Variants in POMGNT1 observed in about 807,000 individuals in gnomAD.
The protein encoded by POMGNT1 is protein O-linked-mannose beta-1,2-N-acetylglucosaminyltransferase 1.
Under a neutral mutation model 95.6 loss-of-function variants are expected in POMGNT1, and 67 were observed. The ratio of observed to expected loss-of-function variants is 0.70; its 90% CI spans 0.58 to 0.86. The LOEUF (loss-of-function observed/expected upper bound fraction) is 0.86. Among genes scored for constraint, POMGNT1 ranks in the 40% least tolerant of loss-of-function variants. The pLI is 0.00. For synonymous variants in POMGNT1, 298 were observed against 317.9 expected (o/e 0.94, Z 0.66); for missense variants, 719 against 855.2 (o/e 0.84, Z 1.99).
chr1:46,191,224 G>C (rs1657743310), intron 17 of POMGNT1: 1 of 280,324 alleles, frequency 3.6e-6, no homozygotes, highest in South Asian at 3.9e-5. Flanking sequence ...GAGAGGAATG[G>C]GGCTCGCGTA....
chr1:46,198,544 G>GCGT (rs1377015878), upstream of POMGNT1: 1 of 169,686 alleles, frequency 5.9e-6, no homozygotes, highest in Non-Finnish European at 1.2e-5. Flanking sequence ...GGCGGCGGTG[G>GCGT]CGGCAGCGGC....
chr1:46,192,018 A>G, intron 17 of POMGNT1, 80 bp downstream of exon 17: 2 of 1,509,858 alleles, frequency 1.3e-6, no homozygotes, highest in Non-Finnish European at 1.8e-6. Flanking sequence ...CAAGTAGCAG[A>G]GCTAAGATTG....
rs375238770 is a variant in POMGNT1, at chr1:46,197,816, G to C, written c.6C>G (p.Asp2Glu). 7.4e-6 allele frequency: 12 copies of C among 1,613,960 alleles called. No homozygotes were observed. The African/African-American group carries it at 1.5e-4, about 20-fold the overall frequency. Residue 2 changes from aspartate to glutamate, a missense_variant, in exon 2 of 22, where the codon GAC (aspartate) becomes GAG (glutamate). By Grantham distance (45) the Asp-to-Glu change is conservative. Around this residue, in one of 5 missense-constraint regions of POMGNT1, gnomAD observed 466 missense variants for 517.4 expected, o/e 0.90. Transcript: ENST00000371984. M[D>E]DWKPSPLIKP... ...TGATGAGGGGGCTGGGCTTCCAGTC[G>C]TCCATACCGGATTGGCGGGTCACCA...
At chr1:46,189,770 T>A (rs1176525340) in intron 20 of POMGNT1, 84 bp downstream of exon 20, 1 of 1,594,438 alleles carries the variant, frequency 6.3e-7, no homozygotes, top group African/African-American at 1.3e-5. Flanking sequence ...GGTTGAAGAT[T>A]CCAGAGCAAA....
At chr1:46,198,022 C>T in intron 1 of POMGNT1, 151 bp from the exon 2 acceptor site, 1 of 703,188 alleles carries the variant, frequency 1.4e-6, no homozygotes, top group East Asian at 2.8e-5. Flanking sequence ...TCTGGGCTGG[C>T]AGGAAACCCT....
At position 46,198,349 on chromosome 1, in the gene POMGNT1, C is replaced by T. The variant is rs927602645; in HGVS notation, c.-64G>A. The T allele has an allele frequency of 6.5e-6, 1 of 153,122 alleles. No homozygotes were observed. The highest frequency in any genetic ancestry group is 1.5e-5 in the Non-Finnish European group (1 of 68,262). The allele number at this position is 153,122 out of a possible 1,614,324, so 9.5% of individuals were successfully genotyped here. On this transcript the variant is annotated 5_prime_UTR_variant, in exon 1 of 22. Transcript: ENST00000371984. ...GGAGGCACTCACGGCTTAGGGGCCC[C>T]GGGCCCCGCTCGGGCCCCGCTAGGG...
At chr1:46,212,175 G>A (rs1377905121) in intron 1 of POMGNT1, among the ~76,000 whole-genome samples, 1 of 152,096 alleles carries the variant, frequency 6.6e-6, no homozygotes, top group Non-Finnish European at 1.5e-5. Flanking sequence ...AACATTTACT[G>A]TGTTTGTGTG....
intron 1 of POMGNT1, 200 bp downstream of exon 1, chr1:46,198,136 C>G (rs1268160181): frequency 2.5e-6 from 1 of 394,908 alleles, no homozygotes; most frequent in African/African-American, 2.0e-5. Context: ...AGTTCGTTAG[C>G]CCCTACAAGG....
At position 46,189,814 on chromosome 1, in the gene POMGNT1, G is replaced by T. The variant is rs190156535; in HGVS notation, c.1785+40C>A. 5.2e-5 allele frequency: 84 copies of T among 1,612,468 alleles called. No individual in the cohort carries two copies. In the African/African-American group the frequency reaches 1.0e-3, roughly 19 times the overall value. Reference sequence around the variant, plus strand: ...GGATCTTGGGGCAGTATGTGTGTGAGGGGGAGGGGTTCTCCAGGGTGGGCA... The same window carrying T: ...GGATCTTGGGGCAGTATGTGTGTGATGGGGAGGGGTTCTCCAGGGTGGGCA... On this transcript the variant is annotated intron_variant, in intron 20 of 21. Transcript: ENST00000371984.
chr1:46,215,743 T>A (rs1659044449), intron 1 of POMGNT1, among the ~76,000 whole-genome samples: 1 of 151,830 alleles, frequency 6.6e-6, no homozygotes, highest in Admixed American at 6.6e-5. Flanking sequence ...CAAAAAAAAA[T>A]TTAAAAATTA....
At chr1:46,200,935 C>T (rs1028142128), upstream of POMGNT1, among the ~76,000 whole-genome samples, 4 of 151,310 alleles carry the variant, frequency 2.6e-5, no homozygotes, top group African/African-American at 7.3e-5. Flanking sequence ...CGGATGGATC[C>T]GCCTGGCCAA....
chr1:46,212,486 T>C (rs1658931601), intron 1 of POMGNT1, among the ~76,000 whole-genome samples: 1 of 152,026 alleles, frequency 6.6e-6, no homozygotes. Flanking sequence ...TTTCACCGTG[T>C]TAGCCAGGAT....
chr1:46,204,498 A>G (rs764450456), intron 1 of POMGNT1, among the ~76,000 whole-genome samples: 162 of 152,206 alleles, frequency 1.1e-3, no homozygotes, highest in South Asian at 2.3e-3. Context: ...CTGGCTCACA[A>G]CCAGGAGCCC....
At chr1:46,210,546 T>C (rs1290570281) in intron 1 of POMGNT1, among the ~76,000 whole-genome samples, 2 of 152,194 alleles carry the variant, frequency 1.3e-5, no homozygotes, top group African/African-American at 2.4e-5. Context: ...CAGCTTCAAA[T>C]TGGGGTTCCT....
exon 1 of POMGNT1, chr1:46,219,930 A>T (rs779596819): frequency 2.5e-6 from 4 of 1,614,242 alleles, no homozygotes; most frequent in South Asian, 1.1e-5. Context: ...CAGTGTCTCT[A>T]TTGGCAGCTT....
chr1:46,209,663 C>T (rs1340531406), intron 1 of POMGNT1, among the ~76,000 whole-genome samples: 1 of 151,712 alleles, frequency 6.6e-6, no homozygotes, highest in Non-Finnish European at 1.5e-5. Context: ...CATGCACCCG[C>T]CACCACACAG....
At position 46,192,134 on chromosome 1, in the gene POMGNT1, A is replaced by G. The variant is rs779251990; in HGVS notation, c.1503T>C (p.Phe501=). ...IIPDVSRSYH[F]GIVGLNMNGY... is the part of the protein sequence containing the mutation. ...CATTCATGTTGAGGCCGACGATGCCAAAGTGGTAGGATCGGGAAACGTCAG... is the reference window on the plus strand; with the variant it reads ...CATTCATGTTGAGGCCGACGATGCCGAAGTGGTAGGATCGGGAAACGTCAG... The change falls in exon 17 of 22, where the codon TTT becomes TTC. Residue 501 remains phenylalanine, a synonymous_variant. Coordinates refer to ENST00000371984, the MANE Select transcript of POMGNT1 (RefSeq NM_017739.4). 1.2e-6 allele frequency: 2 copies of G among 1,613,918 alleles called. No individual in the cohort carries two copies. Among genetic ancestry groups the G allele is most frequent in the Non-Finnish European group, 1.7e-6 (2 of 1,179,908 alleles).
Position 46,196,659 on chromosome 1 carries a change from T to C in POMGNT1, c.354+72A>G. The C allele has an allele frequency of 6.2e-7, 1 of 1,611,430 alleles. No homozygotes were observed. The highest frequency in any genetic ancestry group is 8.5e-7 in the Non-Finnish European group (1 of 1,179,754). On this transcript the variant is annotated intron_variant, in intron 4 of 21. Coordinates refer to ENST00000371984, the MANE Select transcript of POMGNT1 (RefSeq NM_017739.4). This position sits in a 1 kb window ranked among gnomAD's most constrained non-coding sequence, Gnocchi z 4.4. ...AGAGTTGCAGTTCCCACTTAGGCAG[T>C]AGACCCTGCTGCCAGTGGACCATGC...
At position 46,192,244 on chromosome 1, in the gene POMGNT1, T is replaced by C. The variant is rs577919779; in HGVS notation, c.1414-21A>G. Reference sequence around the variant, plus strand: ...CAGAGCTGGCAGACATGGACCACGATGAAGGTTAAGATGTTTCGAGTTGGT... The same window carrying C: ...CAGAGCTGGCAGACATGGACCACGACGAAGGTTAAGATGTTTCGAGTTGGT... On this transcript the variant is annotated intron_variant, in intron 16 of 21. Transcript: ENST00000371984. 6 of 1,614,174 alleles carry C rather than the reference T, an allele frequency of 3.7e-6. No individual in the cohort carries two copies. The Admixed American group carries it at 5.0e-5, about 13-fold the overall frequency.
Sources: gnomAD v4.1 joint callset for allele counts (sites outside exome capture counted in the v4.1 genomes callset) on GRCh38, gnomAD v4.1.1 for gene constraint, gnomAD v4.1.1 regional missense constraint, Gnocchi (gnomAD v3.1) non-coding constraint, MANE v1.5 for transcripts, NCBI Gene and HGNC (gene_info 2026-07-23, HGNC 2026-07-21) for gene names.